Variants in NR3C1 observed in about 807,000 individuals in gnomAD.
NR3C1 encodes glucocorticoid receptor.
A neutral mutation model predicts 74.0 loss-of-function variants in NR3C1; 14 were observed. The ratio of observed to expected loss-of-function variants is 0.19; its 90% CI spans 0.12 to 0.30. The LOEUF is 0.30. Among genes scored for constraint, NR3C1 ranks in the 10% least tolerant of loss-of-function variants. The probability of loss-of-function intolerance (pLI) is 1.00; values close to 1 mark genes in which losing one functional copy is unlikely to be tolerated. For synonymous variants in NR3C1, 308 were observed against 332.5 expected, an observed-to-expected ratio of 0.93 and a Z score of 0.80; for missense variants, 695 against 909.8, an observed-to-expected ratio of 0.76 and a Z score of 3.04.
chr5:143,295,710 T>C (rs1817025188), intron 6 of NR3C1, 120 bp from the exon 7 acceptor site: 1 of 782,108 alleles, frequency 1.3e-6, no homozygotes, highest in Non-Finnish European at 2.2e-6. Context: ...ACTGCAATAA[T>C]ATTATTGCTA....
At chr5:143,295,158 A>G (rs1000152295) in intron 7 of NR3C1, 13 of 985,250 alleles carry the variant, frequency 1.3e-5, no homozygotes, top group Non-Finnish European at 1.4e-5. Flanking sequence ...TTCTTTTTCC[A>G]TGTCTTCCCA....
chr5:143,378,416 C>T (rs565736046), intron 2 of NR3C1, among the ~76,000 whole-genome samples: 1 of 152,152 alleles, frequency 6.6e-6, no homozygotes, highest in Non-Finnish European at 1.5e-5. Context: ...TAAAAAATTA[C>T]ACCCAAATGT....
At chr5:143,375,028 T>C (rs1411422239) in intron 2 of NR3C1, among the ~76,000 whole-genome samples, 1 of 152,178 alleles carries the variant, frequency 6.6e-6, no homozygotes, top group Non-Finnish European at 1.5e-5. Flanking sequence ...ACACATCACC[T>C]TGCCAGACTC....
chr5:143,434,813 T>A lies in NR3C1; in HGVS notation c.-295A>T, dbSNP rs1446944938. On this transcript the variant is annotated 5_prime_UTR_variant, in exon 1 of 9. Coordinates refer to the NR3C1 transcript ENST00000343796. ...TGAGAGCACCAGAATGAAATCTGAC[T>A]TAGATATGACGCAGATTCCTTTTTT... 3.0e-6 allele frequency: 3 copies of A among 985,458 alleles called. No individual in the cohort carries two copies. The East Asian group carries it at 3.4e-4, about 112-fold the overall frequency. The allele number at this position is 985,458 out of a possible 1,614,324, so 61.0% of individuals were successfully genotyped here.
At chr5:143,404,386 G>T (rs565382285), upstream of NR3C1, 20 of 985,480 alleles carry the variant, frequency 2.0e-5, no homozygotes, top group African/African-American at 3.3e-4. Context: ...TTTGGGCCCG[G>T]GGGGAGTCGC....
intron 4 of NR3C1, among the ~76,000 whole-genome samples, chr5:143,307,079 G>C (rs1397636335): frequency 3.3e-5 from 5 of 151,806 alleles, no homozygotes; most frequent in African/African-American, 1.2e-4. Context: ...TGTATTTTTA[G>C]TAGAGACGGG....
At chr5:143,388,469 G>C (rs1372036712) in intron 2 of NR3C1, among the ~76,000 whole-genome samples, 1 of 152,184 alleles carries the variant, frequency 6.6e-6, no homozygotes, top group Admixed American at 6.5e-5. Flanking sequence ...CTATGTGCTA[G>C]ACACTATTCT....
intron 2 of NR3C1, among the ~76,000 whole-genome samples, chr5:143,377,236 C>G (rs1485964753): frequency 1.3e-5 from 2 of 152,152 alleles, no homozygotes; most frequent in African/African-American, 4.8e-5. Context: ...GCACTGTATT[C>G]CTTGATTTGG....
At chr5:143,364,189 G>A (rs1832784800) in intron 2 of NR3C1, among the ~76,000 whole-genome samples, 1 of 152,168 alleles carries the variant, frequency 6.6e-6, no homozygotes, top group Non-Finnish European at 1.5e-5. Context: ...AAGATTAACA[G>A]TTGATTCCTT....
At chr5:143,405,419 C>T, upstream of NR3C1, 1 of 932,322 alleles carries the variant, frequency 1.1e-6, no homozygotes, top group African/African-American at 1.8e-5. Context: ...AAGCCGCCCG[C>T]CGCCATCTTG....
chr5:143,340,366 T>C (rs1205864144), intron 2 of NR3C1, among the ~76,000 whole-genome samples: 11 of 151,700 alleles, frequency 7.3e-5, no homozygotes, highest in African/African-American at 2.2e-4. Flanking sequence ...TGTGTGTGTA[T>C]AGAAATTGAC....
At chr5:143,296,138 T>A (rs779129556) in intron 6 of NR3C1, among the ~76,000 whole-genome samples, 2 of 152,220 alleles carry the variant, frequency 1.3e-5, no homozygotes, top group Non-Finnish European at 2.9e-5. Flanking sequence ...CTAAAGGTAC[T>A]AAACCAATTC....
At chr5:143,418,172 G>T (rs1202405511) in intron 1 of NR3C1, among the ~76,000 whole-genome samples, 1 of 152,186 alleles carries the variant, frequency 6.6e-6, no homozygotes, top group Non-Finnish European at 1.5e-5. Flanking sequence ...ATAATCTTCA[G>T]TTGTCAATAT....
intron 2 of NR3C1, among the ~76,000 whole-genome samples, chr5:143,372,252 T>A (rs956107445): frequency 6.6e-6 from 1 of 152,212 alleles, no homozygotes; most frequent in Non-Finnish European, 1.5e-5. Flanking sequence ...AGGGAAGCAA[T>A]TTACAGCTTC....
At chr5:143,363,059 G>C (rs1158201142) in intron 2 of NR3C1, among the ~76,000 whole-genome samples, 1 of 152,134 alleles carries the variant, frequency 6.6e-6, no homozygotes, top group Admixed American at 6.5e-5. Context: ...GCTAAGGCAG[G>C]GTTGTAAACT....
chr5:143,337,974 C>T (rs1253543170), intron 2 of NR3C1, among the ~76,000 whole-genome samples: 1 of 152,138 alleles, frequency 6.6e-6, no homozygotes, highest in African/African-American at 2.4e-5. Context: ...CTATTTCTTG[C>T]CCTGGTTGGT....
intron 5 of NR3C1, among the ~76,000 whole-genome samples, chr5:143,299,384 C>T (rs1320411981): frequency 6.7e-6 from 1 of 149,436 alleles, no homozygotes; most frequent in Non-Finnish European, 1.5e-5. Context: ...CCTCTGTCTG[C>T]TTAAGTAAAC....
chr5:143,300,927 T>C lies in NR3C1; in HGVS notation c.1469-164A>G, dbSNP rs964618612. ...ACATGGAAAAGGAGAAAAAACTTTT[T>C]TTTTTCTGAAAGCAAAAGATCCAGA... On this transcript the variant is annotated intron_variant, in intron 4 of 8. Coordinates refer to ENST00000394464, the MANE Select transcript of NR3C1 (RefSeq NM_000176.3). The surrounding 1 kb of genome is among the most constrained non-coding windows in gnomAD (Gnocchi z 5.2). 1.3e-5 allele frequency among the ~76,000 whole-genome samples: 2 copies of C among 152,148 alleles called. No individual in the cohort carries two copies. The highest frequency in any genetic ancestry group is 4.8e-5 in the African/African-American group (2 of 41,432).
chr5:143,387,124 T>C lies in NR3C1; in HGVS notation c.1184+12532A>G, dbSNP rs1289210689. Among the ~76,000 whole-genome samples the C allele has an allele frequency of 2.0e-5, 3 of 152,224 alleles. No homozygotes were observed. In the East Asian group the frequency reaches 5.8e-4, roughly 29 times the overall value. ...GTTTGAACTAGGGTGTGGCCAGTTT[T>C]TTCCTGTTGTGTTGGCTTCTCAGGG... On this transcript the variant is annotated intron_variant, in intron 2 of 8. Coordinates refer to ENST00000394464, the MANE Select transcript of NR3C1 (RefSeq NM_000176.3).
Sources: allele counts gnomAD v4.1 joint callset (sites outside exome capture counted in the v4.1 genomes callset), GRCh38; gene constraint gnomAD v4.1.1; non-coding constraint Gnocchi (gnomAD v3.1); transcripts MANE v1.5; gene names NCBI Gene and HGNC (gene_info 2026-07-23, HGNC 2026-07-21).